The following SYN3 variants were observed in gnomAD, a reference collection of about 807,000 sequenced individuals.
SYN3 encodes synapsin III.
SYN3 carries 35 observed loss-of-function variants against 65.8 expected under a neutral mutation model. That is an observed-to-expected ratio of 0.53 (90% CI 0.41 to 0.70). The LOEUF is 0.70. Ranked by LOEUF, SYN3 falls within the 30% of genes least tolerant of loss-of-function variation. The pLI is 0.00. For synonymous variants in SYN3, 270 were observed against 292.9 expected (o/e 0.92, Z 0.80); for missense variants, 680 against 749.0 (o/e 0.91, Z 1.08).
chr22:32,709,136 C>G (rs2060921021), intron 6 of SYN3, among the ~76,000 whole-genome samples: 1 of 152,228 alleles, frequency 6.6e-6, no homozygotes, highest in African/African-American at 2.4e-5. Flanking sequence ...CCAGCTGTGG[C>G]TTTGTTCTGT....
intron 6 of SYN3, among the ~76,000 whole-genome samples, chr22:32,617,476 CT>C (rs879649441): frequency 2.4e-3 from 328 of 139,286 alleles, no homozygotes; most frequent in Admixed American, 2.5e-3. Context: ...CTTTTTTTTT[CT>C]TTTTTTTTTT....
intron 4 of SYN3, among the ~76,000 whole-genome samples, chr22:32,913,035 T>C (rs529802393): frequency 3.4e-5 from 5 of 148,344 alleles, no homozygotes; most frequent in Non-Finnish European, 6.0e-5. Context: ...ATAAAAACTA[T>C]ACCCCTCTGG....
chr22:33,047,759 G>A (rs1411608662), intron 1 of SYN3, among the ~76,000 whole-genome samples: 4 of 149,888 alleles, frequency 2.7e-5, no homozygotes, highest in South Asian at 2.1e-4. Context: ...ATGAATACAT[G>A]AGCATTTACA....
intron 6 of SYN3, chr22:32,802,076 A>C (rs1029317013): frequency 6.3e-7 from 1 of 1,577,936 alleles, no homozygotes; most frequent in African/African-American, 1.3e-5. Context: ...AGGCGTGCAC[A>C]TGCTCGCCCA....
At position 32,802,114 on chromosome 22, in the gene SYN3, C is replaced by G. The variant is rs1270675463; in HGVS notation, c.711+62801G>C. The stretch of plus-strand genomic sequence containing the variant: ...CACCCCCAGGACGCCTTCTGCAACT[C>G]CGACATCGGTAAGCGCTCCTGGTGC... On this transcript the variant is annotated intron_variant, in intron 6 of 13. Coordinates refer to ENST00000358763, the MANE Select transcript of SYN3 (RefSeq NM_003490.4). The G allele has an allele frequency of 2.5e-6, 4 of 1,582,802 alleles. No homozygotes were observed. Among genetic ancestry groups the G allele is most frequent in the Non-Finnish European group, 3.4e-6 (4 of 1,170,186 alleles).
At chr22:32,960,993 G>T (rs1445698502) in intron 3 of SYN3, among the ~76,000 whole-genome samples, 1 of 152,174 alleles carries the variant, frequency 6.6e-6, no homozygotes, top group Non-Finnish European at 1.5e-5. Context: ...TGTCTTTAGG[G>T]TACCCAAGGG....
chr22:32,950,468 A>C (rs1272535566), intron 3 of SYN3, among the ~76,000 whole-genome samples: 1 of 152,006 alleles, frequency 6.6e-6, no homozygotes, highest in African/African-American at 2.4e-5. Flanking sequence ...CCTGCTTTTT[A>C]AGTCCTGAAA....
At chr22:32,678,025 G>A (rs1357833169) in intron 6 of SYN3, among the ~76,000 whole-genome samples, 1 of 152,156 alleles carries the variant, frequency 6.6e-6, no homozygotes, top group African/African-American at 2.4e-5. Context: ...CATGAGGAAG[G>A]TGAGGCCTCA....
intron 6 of SYN3, among the ~76,000 whole-genome samples, chr22:32,767,385 T>TCACACACACACACACA (rs10527431): frequency 7.2e-4 from 109 of 151,360 alleles, no homozygotes; most frequent in African/African-American, 2.5e-3. Context: ...GCTGGTGACT[T>TCACACACACACACACA]CACACACACA....
At chr22:32,677,833 A>AAC (rs1188781712) in intron 6 of SYN3, among the ~76,000 whole-genome samples, 1 of 151,968 alleles carries the variant, frequency 6.6e-6, no homozygotes, top group Non-Finnish European at 1.5e-5. Flanking sequence ...AAAATAAAAA[A>AAC]AGACACAAGA....
At chr22:32,744,619 C>CA (rs1176690157) in intron 6 of SYN3, among the ~76,000 whole-genome samples, 1 of 152,206 alleles carries the variant, frequency 6.6e-6, no homozygotes, top group Non-Finnish European at 1.5e-5. Flanking sequence ...AGTGGACCCT[C>CA]AAGTCCATGC....
intron 6 of SYN3, among the ~76,000 whole-genome samples, chr22:32,731,951 G>T (rs928109061): frequency 1.3e-5 from 2 of 152,166 alleles, no homozygotes; most frequent in African/African-American, 4.8e-5. Context: ...GTAAAATAGG[G>T]ATCAATTATA....
chr22:33,005,896 G>A (rs1319136576), intron 2 of SYN3, among the ~76,000 whole-genome samples: 1 of 152,190 alleles, frequency 6.6e-6, no homozygotes, highest in African/African-American at 2.4e-5. Flanking sequence ...TCCATTTTTA[G>A]GAAGGTAATA....
chr22:32,978,524 C>A (rs2052276227), intron 3 of SYN3, among the ~76,000 whole-genome samples: 1 of 152,114 alleles, frequency 6.6e-6, no homozygotes, highest in Non-Finnish European at 1.5e-5. Context: ...CCTCCATTCA[C>A]ACGCTCTTCA....
At chr22:32,539,667 C>T (rs1458305644) in intron 8 of SYN3, among the ~76,000 whole-genome samples, 2 of 152,056 alleles carry the variant, frequency 1.3e-5, no homozygotes, top group Admixed American at 6.6e-5. Context: ...TGAAGTCTGA[C>T]ATGAACCCCC....
intron 7 of SYN3, among the ~76,000 whole-genome samples, chr22:32,559,717 G>A (rs1367614718): frequency 6.6e-6 from 1 of 151,960 alleles, no homozygotes; most frequent in African/African-American, 2.4e-5. Flanking sequence ...TGTAGTCCCA[G>A]CACTCTGGAG....
At chr22:32,847,155 T>C (rs2048089057) in intron 6 of SYN3, among the ~76,000 whole-genome samples, 2 of 152,188 alleles carry the variant, frequency 1.3e-5, no homozygotes, top group Non-Finnish European at 2.9e-5. Flanking sequence ...TCCAAATCAT[T>C]TCAGGAAGAA....
At chr22:33,045,089 C>T (rs966298567) in intron 1 of SYN3, among the ~76,000 whole-genome samples, 16 of 152,118 alleles carry the variant, frequency 1.1e-4, no homozygotes, top group Non-Finnish European at 2.1e-4. Flanking sequence ...GTGATCTGCC[C>T]GCCTTGGCCT....
intron 2 of SYN3, among the ~76,000 whole-genome samples, chr22:32,989,971 G>A (rs367838162): frequency 2.6e-5 from 4 of 151,888 alleles, no homozygotes; most frequent in Admixed American, 6.6e-5. Flanking sequence ...AAGGGTTAAC[G>A]TTTGGAAGGC....
Sources: gnomAD v4.1 joint callset for allele counts (sites outside exome capture counted in the v4.1 genomes callset) on GRCh38, gnomAD v4.1.1 for gene constraint, MANE v1.5 for transcripts, NCBI Gene and HGNC (gene_info 2026-07-23, HGNC 2026-07-21) for gene names.